Variants in CSMD1 observed in about 807,000 individuals in gnomAD.
The protein encoded by CSMD1 is CUB and Sushi multiple domains 1, also known as CUB and sushi domain-containing protein 1.
In CSMD1, 213 loss-of-function variants were observed where a neutral mutation model predicts 417.5. The observed-to-expected ratio is 0.51, with a 90% CI of 0.46 to 0.57. The LOEUF is 0.57. Ranked by LOEUF, CSMD1 falls within the 20% of genes least tolerant of loss-of-function variation. CSMD1 has a pLI of 0.00. For synonymous variants in CSMD1, 2,862 were observed against 1,736.8 expected, an observed-to-expected ratio of 1.65 and a Z score of -16.11; for missense variants, 6,923 against 4,529.7, an observed-to-expected ratio of 1.53 and a Z score of -15.17.
At chr8:3,448,791 G>A (rs757584202) in intron 12 of CSMD1, among the ~76,000 whole-genome samples, 27 of 152,112 alleles carry the variant, frequency 1.8e-4, no homozygotes, top group Admixed American at 5.9e-4. Flanking sequence ...AATAGTGAGT[G>A]ACTTATTCTC....
At chr8:3,094,012 T>A (rs1050529589) in intron 47 of CSMD1, among the ~76,000 whole-genome samples, 39 of 152,304 alleles carry the variant, frequency 2.6e-4, no homozygotes, top group African/African-American at 9.1e-4. Flanking sequence ...CACTGGTAAA[T>A]TAATTAACCT....
intron 41 of CSMD1, among the ~76,000 whole-genome samples, chr8:3,130,721 C>A (rs1817748979): frequency 6.6e-6 from 1 of 151,880 alleles, no homozygotes. Flanking sequence ...ATCTCAATGC[C>A]ACCCCAGAGA....
At chr8:3,239,351 G>C (rs1799350287) in intron 26 of CSMD1, among the ~76,000 whole-genome samples, 1 of 151,252 alleles carries the variant, frequency 6.6e-6, no homozygotes, top group Non-Finnish European at 1.5e-5. Context: ...CAGAAGGAAA[G>C]AAATGACAAG....
chr8:3,211,186 A>G (rs901074521), intron 30 of CSMD1, among the ~76,000 whole-genome samples: 5 of 152,046 alleles, frequency 3.3e-5, no homozygotes, highest in African/African-American at 9.7e-5. Flanking sequence ...CTGGGACCCC[A>G]GGTGTGCACC....
At chr8:4,936,179 G>C (rs933135293) in intron 1 of CSMD1, among the ~76,000 whole-genome samples, 2 of 152,152 alleles carry the variant, frequency 1.3e-5, no homozygotes, top group East Asian at 1.9e-4. Context: ...ATCACATTAA[G>C]TTGAGAGGCA....
At chr8:3,487,188 T>C (rs1018825678) in intron 11 of CSMD1, among the ~76,000 whole-genome samples, 15 of 124,832 alleles carry the variant, frequency 1.2e-4, no homozygotes, top group Non-Finnish European at 1.6e-5. Flanking sequence ...ATTGATGTAT[T>C]ATCAGCATAC....
At chr8:4,113,414 T>A (rs1281956873) in intron 3 of CSMD1, among the ~76,000 whole-genome samples, 1 of 140,110 alleles carries the variant, frequency 7.1e-6, no homozygotes, top group South Asian at 2.2e-4. Context: ...TTTTTTTTTT[T>A]TTTTAAATGA....
intron 12 of CSMD1, among the ~76,000 whole-genome samples, chr8:3,440,356 T>C (rs901354670): frequency 2.0e-5 from 3 of 152,226 alleles, no homozygotes; most frequent in Middle Eastern, 3.2e-3. Flanking sequence ...CTATGAGTCC[T>C]ATACATATAC....
At chr8:3,957,183 C>G (rs989983047) in intron 5 of CSMD1, among the ~76,000 whole-genome samples, 2 of 152,150 alleles carry the variant, frequency 1.3e-5, no homozygotes, top group Admixed American at 6.5e-5. Flanking sequence ...CCTGATGTAA[C>G]TGCAGAACTA....
intron 3 of CSMD1, among the ~76,000 whole-genome samples, chr8:4,365,170 G>A (rs10503259): frequency 0.21 from 31,522 of 152,030 alleles, 3,479 homozygotes; most frequent in Admixed American, 0.27. Flanking sequence ...TTTGAATTTG[G>A]TAGTTTTGCT....
intron 5 of CSMD1, among the ~76,000 whole-genome samples, chr8:3,833,614 T>C (rs936760051): frequency 8.5e-5 from 13 of 152,236 alleles, no homozygotes; most frequent in African/African-American, 2.9e-4. Flanking sequence ...AATAATTTCT[T>C]TAAAACACAT....
chr8:3,242,531 A>G (rs1799606020), intron 26 of CSMD1, among the ~76,000 whole-genome samples: 1 of 152,062 alleles, frequency 6.6e-6, no homozygotes, highest in African/African-American at 2.4e-5. Flanking sequence ...GAAAAATTGA[A>G]AGTGCCATTT....
intron 10 of CSMD1, among the ~76,000 whole-genome samples, chr8:3,533,360 A>T (rs1443396771): frequency 6.6e-6 from 1 of 152,166 alleles, no homozygotes; most frequent in African/African-American, 2.4e-5. Flanking sequence ...CTTACATAAG[A>T]GAACTTTATA....
intron 54 of CSMD1, among the ~76,000 whole-genome samples, chr8:2,990,227 C>G (rs75583381): frequency 0.061 from 9,288 of 152,272 alleles, 389 homozygotes; most frequent in African/African-American, 0.1. Flanking sequence ...GAGGCTGACA[C>G]TAATATCTGT....
intron 2 of CSMD1, among the ~76,000 whole-genome samples, chr8:4,479,798 T>C (rs1252978602): frequency 2.0e-5 from 3 of 151,772 alleles, no homozygotes; most frequent in African/African-American, 4.8e-5. Flanking sequence ...CCCCGTTCTC[T>C]ACTGAAAACA....
rs570726835 is a variant in CSMD1 at position 3,660,755 on chromosome 8, A to C, written c.1010-43958T>G. Among the ~76,000 whole-genome samples, 39 of 152,178 alleles carry C rather than the reference A, an allele frequency of 2.6e-4. No homozygotes were observed. In the East Asian group the frequency reaches 6.4e-3, roughly 25 times the overall value. Reference sequence around the variant, plus strand: ...AGGGTGATGTCAAACTCCTGACCTCAAATGATCCACACACCTCGGCCTCTC... The same window carrying C: ...AGGGTGATGTCAAACTCCTGACCTCCAATGATCCACACACCTCGGCCTCTC... On this transcript the variant is annotated intron_variant, in intron 7 of 69. Transcript: ENST00000635120.
chr8:4,584,624 G>A lies in CSMD1; in HGVS notation c.302+52718C>T, dbSNP rs529734329. Among the ~76,000 whole-genome samples the A allele has an allele frequency of 7.2e-5, 11 of 152,126 alleles. No homozygotes were observed. The South Asian group carries it at 1.2e-3, about 17-fold the overall frequency. On this transcript the variant is annotated intron_variant, in intron 2 of 69. Transcript: ENST00000635120. ...ACAGAGAGGAAAGCCATGCAGCTCC[G>A]GGGTCCCAACAACATGTTGGTTGAC...
At chr8:4,046,643 G>C (rs951422524) in intron 3 of CSMD1, among the ~76,000 whole-genome samples, 2 of 152,134 alleles carry the variant, frequency 1.3e-5, no homozygotes, top group Non-Finnish European at 2.9e-5. Flanking sequence ...CAAACAACAA[G>C]TGTGCAGATA....
intron 3 of CSMD1, among the ~76,000 whole-genome samples, chr8:4,211,275 T>C (rs898417067): frequency 5.9e-5 from 9 of 152,138 alleles, no homozygotes; most frequent in African/African-American, 2.2e-4. Flanking sequence ...AATCCAAAGA[T>C]TGATCCCTTT....
Sources: allele counts gnomAD v4.1 joint callset (sites outside exome capture counted in the v4.1 genomes callset), GRCh38; gene constraint gnomAD v4.1.1; transcripts MANE v1.5; gene names NCBI Gene and HGNC (gene_info 2026-07-23, HGNC 2026-07-21).